The following MUC5AC variants were observed in gnomAD, a reference collection of about 807,000 sequenced individuals.
MUC5AC encodes mucin 5AC, oligomeric mucus/gel-forming.
MUC5AC carries 158 observed loss-of-function variants against 169.7 expected under a neutral mutation model. That is an observed-to-expected ratio of 0.93 (90% CI 0.82 to 1.06). The LOEUF (loss-of-function observed/expected upper bound fraction) is 1.06, where lower values mean the gene tolerates loss of function less well. MUC5AC is among the 50% of genes least tolerant of loss of function. MUC5AC has a pLI of 0.00. For missense variants in MUC5AC, 4,359 were observed against 3,089.9 expected, an observed-to-expected ratio of 1.41 and a Z score of -9.74; for synonymous variants, 1,975 against 1,237.0, an observed-to-expected ratio of 1.60 and a Z score of -12.52.
At chr11:1,197,350 C>T (rs946376611) in intron 40 of MUC5AC, 118 bp from the exon 41 acceptor site, 5 of 636,872 alleles carry the variant, frequency 7.9e-6, no homozygotes, top group African/African-American at 7.2e-5. Context: ...GCTGGGTCCT[C>T]AGTGCAGGCC....
At position 1,163,141 on chromosome 11, in the gene MUC5AC, T is replaced by G. The variant is rs920424702; in HGVS notation, c.679+96T>G. 4 of 1,147,514 alleles carry G rather than the reference T, an allele frequency of 3.5e-6. No individual in the cohort carries two copies. The South Asian group carries it at 4.9e-5, about 14-fold the overall frequency. The allele number at this position is 1,147,514 out of a possible 1,614,324, so 71.1% of individuals were successfully genotyped here. A position where few individuals can be genotyped will look rare whatever the true frequency, so the allele number is the denominator to read the frequency against. On this transcript the variant is annotated intron_variant, in intron 6 of 48. Transcript: ENST00000621226. ...CCCTCTGACACTCCGGGCACACACA[T>G]GCACAGATACACGGATGCAGCTGCC...
intron 10 of MUC5AC, 32 bp downstream of exon 10, chr11:1,165,451 G>T: frequency 6.3e-7 from 1 of 1,583,286 alleles, no homozygotes. Flanking sequence ...GGCCACCAAG[G>T]ATGTGCTATG....
intron 34 of MUC5AC, 38 bp downstream of exon 34, chr11:1,194,398 G>GA: frequency 1.4e-6 from 1 of 708,776 alleles, no homozygotes; most frequent in Non-Finnish European, 2.6e-6. Flanking sequence ...GGGGGTGGGG[G>GA]ACGCGGCTTT....
In MUC5AC at chr11:1,185,988, GC is replaced by G; in HGVS notation, c.7847del (p.Pro2616LeufsTer2). On this transcript the variant is annotated frameshift_variant, in exon 31 of 49. Coordinates refer to ENST00000621226, the MANE Select transcript of MUC5AC (RefSeq NM_001304359.2). LOFTEE classifies it high-confidence loss of function. Reference protein sequence around the residue: ...TSAPTTSTNSAPISSTTSATT... With the variant: ...TSAPTTSTNSXPISSTTSATT... ...TGCACCTACAACCAGCACAAACTCT[GC>G]CCCTATAAGCAGCACAACCTCTGCC... The G allele has an allele frequency of 2.7e-6, 2 of 728,706 alleles. No individual in the cohort carries two copies. Among genetic ancestry groups the G allele is most frequent in the South Asian group, 2.8e-5 (2 of 70,238 alleles). 45.1% of individuals were successfully genotyped at this position (728,706 alleles called of 1,614,324 possible). A position where few individuals can be genotyped will look rare whatever the true frequency, so the allele number is the denominator to read the frequency against.
At chr11:1,159,400 C>T (rs1365403304) in intron 1 of MUC5AC, among the ~76,000 whole-genome samples, 3 of 131,692 alleles carry the variant, frequency 2.3e-5, no homozygotes, top group African/African-American at 5.9e-5. Context: ...TCCAGTCCCA[C>T]GATGATGGTG....
At chr11:1,161,811 G>A in intron 3 of MUC5AC, 96 bp from the exon 4 acceptor site, 1 of 1,488,242 alleles carries the variant, frequency 6.7e-7, no homozygotes, top group Non-Finnish European at 9.0e-7. Flanking sequence ...CTTCCTGCAG[G>A]ACCCTGGGGA....
chr11:1,179,238 G>A lies in MUC5AC; in HGVS notation c.3474G>A (p.Pro1158=), dbSNP rs879165573. The stretch of plus-strand genomic sequence containing the variant: ...GCCTGTGTGTGTCCTGGCGGACCCC[G>A]AGCATCTGCCGTGAGTGCGAGTGGG... ...EVGLCVSWRT[P]SICPLFCDYY... is the part of the protein sequence containing the mutation. The change falls in exon 26 of 49, where the codon CCG becomes CCA. Residue 1158 remains proline (P), a synonymous_variant. Transcript: ENST00000621226. The A allele has an allele frequency of 0.018, 10,604 of 596,434 alleles. 269 individuals are homozygous for A. The highest frequency in any genetic ancestry group is 0.09 in the East Asian group (3,192 of 35,396). 36.9% of individuals were successfully genotyped at this position (596,434 alleles called of 1,614,324 possible). A position where few individuals can be genotyped will look rare whatever the true frequency, so the allele number is the denominator to read the frequency against.
In MUC5AC at chr11:1,196,400, C is replaced by T. The variant is rs749148814; in HGVS notation, c.15650C>T (p.Pro5217Leu). 27 of 764,992 alleles carry T rather than the reference C, an allele frequency of 3.5e-5. No homozygotes were observed. The East Asian group carries it at 6.5e-4, about 19-fold the overall frequency. The allele number at this position is 764,992 out of a possible 1,614,324, so 47.4% of individuals were successfully genotyped here. A position where few individuals can be genotyped will look rare whatever the true frequency, so the allele number is the denominator to read the frequency against. The change falls in exon 38 of 49, where the codon CCA becomes CTA. Residue 5217 changes from proline (P) to leucine (L), a missense_variant. Transcript: ENST00000621226. ...CCCCTCCCCACAGCATTCACCTGCC[C>T]AGCCGACAAGGTGTACCAGCCCTGC... ...RTGHMCPFTC[P>L]ADKVYQPCGP...
Position 1,166,176 on chromosome 11 carries a change from C to T in MUC5AC, c.1386+416C>T, listed in dbSNP as rs566089509. On this transcript the variant is annotated intron_variant, in intron 11 of 48. Transcript: ENST00000621226. ...ACCCTGCACCCAACACACAGTCTCC[C>T]TATGGTGAGACCCTGCACCCAACAC... Among the ~76,000 whole-genome samples, 19 of 149,778 alleles carry T rather than the reference C, an allele frequency of 1.3e-4. No homozygotes were observed. The East Asian group carries it at 3.2e-3, about 25-fold the overall frequency.
chr11:1,161,088 C>T (rs1043868158), intron 2 of MUC5AC, among the ~76,000 whole-genome samples: 1 of 152,184 alleles, frequency 6.6e-6, no homozygotes, highest in Non-Finnish European at 1.5e-5. Flanking sequence ...AGCGGGAGCC[C>T]GTGGAGGCCC....
At position 1,194,490 on chromosome 11, in the gene MUC5AC, A is replaced by G. The variant is rs1861207750; in HGVS notation, c.15010A>G (p.Ile5004Val). 1 of 756,954 alleles carries G rather than the reference A, an allele frequency of 1.3e-6. No individual in the cohort carries two copies. The highest frequency in any genetic ancestry group is 2.4e-6 in the Non-Finnish European group (1 of 412,326). The allele number at this position is 756,954 out of a possible 1,614,324, so 46.9% of individuals were successfully genotyped here. Residue 5004 changes from isoleucine (I) to valine (V), a missense_variant, in exon 35 of 49, where the codon ATC (isoleucine) becomes GTC (valine). Coordinates refer to ENST00000621226, the MANE Select transcript of MUC5AC (RefSeq NM_001304359.2). ...PVHGVMTNEI[I>V]FNNKVVSPGF... The stretch of plus-strand genomic sequence containing the variant: ...GTCGACCACGCCCTGCGTCCAGATC[A>G]TCTTCAACAACAAGGTGGTCAGCCC...
In MUC5AC at chr11:1,194,133, C is replaced by G. The variant is rs764412752; in HGVS notation, c.14779C>G (p.Pro4927Ala). Residue 4927 changes from proline to alanine, a missense_variant, in exon 34 of 49, where the codon CCC becomes GCC. Coordinates refer to ENST00000621226, the MANE Select transcript of MUC5AC (RefSeq NM_001304359.2). ...AGGTGTGTGCAGCGGCTGGGGTGAC[C>G]CCCACTACATCACCTTCGACGGCAC... ...CQCVCSGWGD[P>A]HYITFDGTYY... 6 of 764,886 alleles carry G rather than the reference C, an allele frequency of 7.8e-6. No homozygotes were observed. The African/African-American group carries it at 1.0e-4, about 13-fold the overall frequency. The allele number at this position is 764,886 out of a possible 1,614,324, so 47.4% of individuals were successfully genotyped here.
In MUC5AC at chr11:1,183,582, C is replaced by G. The variant is rs1179859023; in HGVS notation, c.5437C>G (p.Arg1813Gly). 4.7e-6 allele frequency: 3 copies of G among 639,386 alleles called. No individual in the cohort carries two copies. The highest frequency in any genetic ancestry group is 1.9e-5 in the South Asian group (1 of 52,590). The allele number at this position is 639,386 out of a possible 1,614,324, so 39.6% of individuals were successfully genotyped here. Residue 1813 changes from arginine to glycine, a missense_variant, in exon 31 of 49, where the codon CGG becomes GGG. Physicochemically the swap from Arg to Gly is moderately radical, Grantham distance 125 (BLOSUM62 -2). Transcript: ENST00000621226. ...CCTGGGCCAGGTGGTGCAGTGCAGC[C>G]GGGAAGAGGGCCTGGTGTGCCGGAA... ...EHLGQVVQCSREEGLVCRNQD... is the reference protein window; with the variant it reads ...EHLGQVVQCSGEEGLVCRNQD...
At chr11:1,173,085 TTCAC>T (rs1362944628) in intron 16 of MUC5AC, among the ~76,000 whole-genome samples, 5,892 of 130,626 alleles carry the variant, frequency 0.045, 148 homozygotes, top group South Asian at 0.079. Context: ...CACTAGCTCT[TTCAC>T]TCACTCACTC....
intron 21 of MUC5AC, 119 bp downstream of exon 21, chr11:1,176,784 G>T (rs1860698129): frequency 2.5e-6 from 1 of 398,468 alleles, no homozygotes; most frequent in Non-Finnish European, 4.4e-6. Flanking sequence ...ACAGACTCAG[G>T]GCTGGACGCC....
In MUC5AC at chr11:1,189,948, A is replaced by G; in HGVS notation, c.11803A>G (p.Thr3935Ala). The change falls in exon 31 of 49, where the codon ACA becomes GCA. Residue 3935 changes from threonine (T) to alanine (A), a missense_variant. Physicochemically the swap from Thr to Ala is moderately conservative, Grantham distance 58. Coordinates refer to ENST00000621226, the MANE Select transcript of MUC5AC (RefSeq NM_001304359.2). ...CACAGCCTCTGTTTCAAAGACCAGC[A>G]CAAGCCATGTTTCTGTATCCAAGAC... is the stretch of plus-strand genomic sequence containing the variant. The part of the protein sequence containing the change: ...TSTASVSKTS[T>A]SHVSVSKTTH... 1 of 765,152 alleles carries G rather than the reference A, an allele frequency of 1.3e-6. No homozygotes were observed. The highest frequency in any genetic ancestry group is 2.4e-6 in the Non-Finnish European group (1 of 417,884). 47.4% of individuals were successfully genotyped at this position (765,152 alleles called of 1,614,324 possible).
intron 19 of MUC5AC, among the ~76,000 whole-genome samples, chr11:1,175,940 C>G (rs889537460): frequency 6.8e-6 from 1 of 147,140 alleles, no homozygotes. Flanking sequence ...CACTCATACT[C>G]ATGCACACAC....
Position 1,199,011 on chromosome 11 carries a change from C to A in MUC5AC, c.16296+15C>A. On this transcript the variant is annotated intron_variant, in intron 44 of 48. Coordinates refer to ENST00000621226, the MANE Select transcript of MUC5AC (RefSeq NM_001304359.2). Reference sequence around the variant, plus strand: ...ACTGCCCTGTGGTGAGCGCTCCCACCCTGCCCCGACCCTGCCCTGGCTCTT... The same window carrying A: ...ACTGCCCTGTGGTGAGCGCTCCCACACTGCCCCGACCCTGCCCTGGCTCTT... 1.3e-6 allele frequency: 1 copy of A among 763,578 alleles called. No homozygotes were observed. The highest frequency in any genetic ancestry group is 1.3e-5 in the South Asian group (1 of 74,410). 47.3% of individuals were successfully genotyped at this position (763,578 alleles called of 1,614,324 possible). A position where few individuals can be genotyped will look rare whatever the true frequency, so the allele number is the denominator to read the frequency against.
chr11:1,177,853 C>G (rs1860724533), intron 24 of MUC5AC, among the ~76,000 whole-genome samples: 1 of 152,224 alleles, frequency 6.6e-6, no homozygotes, highest in Non-Finnish European at 1.5e-5. Flanking sequence ...AGGCCCGCAC[C>G]CTGGCGGATT....
Sources: allele counts gnomAD v4.1 joint callset (sites outside exome capture counted in the v4.1 genomes callset), GRCh38; gene constraint gnomAD v4.1.1; transcripts MANE v1.5; gene names NCBI Gene and HGNC (gene_info 2026-07-23, HGNC 2026-07-21).